Variants in EPB41L4B observed in about 807,000 individuals in gnomAD.
The protein encoded by EPB41L4B is erythrocyte membrane protein band 4.1 like 4B, also known as band 4.1-like protein 4B.
A neutral mutation model predicts 112.5 loss-of-function variants in EPB41L4B; 30 were observed. The observed-to-expected ratio is 0.27, with a 90% CI of 0.20 to 0.36. EPB41L4B has a LOEUF of 0.36. EPB41L4B is among the 10% of genes least tolerant of loss of function. EPB41L4B has a pLI of 1.00. For synonymous variants in EPB41L4B, 408 were observed against 439.7 expected (o/e 0.93, Z 0.90); for missense variants, 1,024 against 1,133.3 (o/e 0.90, Z 1.38).
intron 15 of EPB41L4B, among the ~76,000 whole-genome samples, chr9:109,228,351 A>G (rs1206021720): frequency 6.6e-6 from 1 of 152,228 alleles, no homozygotes; most frequent in Non-Finnish European, 1.5e-5. Flanking sequence ...ACTCCAGCTT[A>G]TCAGCCTAGT....
In EPB41L4B at chr9:109,320,244, G is replaced by T. The variant is rs534016902; in HGVS notation, c.203C>A (p.Thr68Asn). ...VFPAGGGPLL[T>N]GGAAVHISAA... ...GGAGATGTGCACGGCCGCGCCGCCGGTGAGCAGGGGCCCGCCGCCCGCCGG... is the reference window on the plus strand; with the variant it reads ...GGAGATGTGCACGGCCGCGCCGCCGTTGAGCAGGGGCCCGCCGCCCGCCGG... Residue 68 changes from threonine (T) to asparagine (N), a missense_variant, in exon 1 of 26, where the codon ACC (threonine) becomes AAC (asparagine). Transcript: ENST00000374566. 170 of 1,254,760 alleles carry T rather than the reference G, an allele frequency of 1.4e-4. No homozygotes were observed. Among genetic ancestry groups the T allele is most frequent in the Admixed American group, 2.6e-4 (6 of 23,524 alleles). The allele number at this position is 1,254,760 out of a possible 1,614,324, so 77.7% of individuals were successfully genotyped here.
chr9:109,185,365 C>T, intron 23 of EPB41L4B, 124 bp downstream of exon 23: 1 of 770,528 alleles, frequency 1.3e-6, no homozygotes, highest in South Asian at 1.6e-5. Flanking sequence ...GTGAGGGCAC[C>T]TGTCGATGGG....
At position 109,176,628 on chromosome 9, in the gene EPB41L4B, G is replaced by A. The variant is rs781091947; in HGVS notation, c.2556C>T (p.Thr852=). Residue 852 remains threonine (T), a synonymous_variant, in exon 25 of 26, where the codon ACC becomes ACT. Coordinates refer to ENST00000374566, the MANE Select transcript of EPB41L4B (RefSeq NM_019114.5). ...GPTSPLIPAA[T]LRPLTETVST... ...AGACGGTCTCTGTCAAAGGCCTCAG[G>A]GTCGCTGCTGGGATCAGCGGGGAAG... 1.2e-6 allele frequency: 2 copies of A among 1,614,040 alleles called. No individual in the cohort carries two copies. The highest frequency in any genetic ancestry group is 1.1e-5 in the South Asian group (1 of 91,060).
At chr9:109,214,745 A>G (rs1833302476) in intron 16 of EPB41L4B, among the ~76,000 whole-genome samples, 1 of 152,036 alleles carries the variant, frequency 6.6e-6, no homozygotes, top group African/African-American at 2.4e-5. Context: ...GGAAGAATGA[A>G]GACCTTGGCA....
intron 22 of EPB41L4B, among the ~76,000 whole-genome samples, chr9:109,187,781 G>C (rs373423606): frequency 5.3e-5 from 8 of 152,152 alleles, no homozygotes; most frequent in African/African-American, 1.9e-4. Context: ...AATGTGTCCT[G>C]GCCACCAACT....
intron 15 of EPB41L4B, among the ~76,000 whole-genome samples, chr9:109,238,278 T>A (rs1208810290): frequency 6.6e-6 from 1 of 152,164 alleles, no homozygotes; most frequent in Non-Finnish European, 1.5e-5. Context: ...CTGTACAGCA[T>A]GATACCAATG....
intron 2 of EPB41L4B, among the ~76,000 whole-genome samples, chr9:109,268,654 T>C: frequency 6.6e-6 from 1 of 152,032 alleles, no homozygotes; most frequent in Non-Finnish European, 1.5e-5. Context: ...ATCCCAGCAC[T>C]TTGGGAGGCC....
chr9:109,268,954 G>C (rs532167131), intron 2 of EPB41L4B, among the ~76,000 whole-genome samples: 1 of 151,622 alleles, frequency 6.6e-6, no homozygotes, highest in Non-Finnish European at 1.5e-5. Flanking sequence ...TTTCTGGGGA[G>C]GGGACTCCCT....
chr9:109,293,694 T>C (rs1274749359), intron 1 of EPB41L4B, among the ~76,000 whole-genome samples: 1 of 94,848 alleles, frequency 1.1e-5, no homozygotes, highest in Non-Finnish European at 2.0e-5. Flanking sequence ...AACATACACA[T>C]TCTTAAAAAA....
rs114614172 is a variant in EPB41L4B, at chr9:109,304,439, C to G, written c.306+15702G>C. Among the ~76,000 whole-genome samples the G allele has an allele frequency of 6.2e-3, 939 of 152,296 alleles. 10 individuals carry two copies. The highest frequency in any genetic ancestry group is 0.022 in the African/African-American group (897 of 41,548). ...CCCCAGGAATTCTGTTCTGCAGTCC[C>G]GAGGGGCACCTCTAATGATTTCTGC... On this transcript the variant is annotated intron_variant, in intron 1 of 25. Coordinates refer to ENST00000374566, the MANE Select transcript of EPB41L4B (RefSeq NM_019114.5).
chr9:109,277,346 G>GA (rs1292295832), intron 2 of EPB41L4B, among the ~76,000 whole-genome samples: 1 of 148,722 alleles, frequency 6.7e-6, no homozygotes. Context: ...TGGACAGACA[G>GA]AATCGGAAGT....
chr9:109,302,188 G>A (rs1042382059), intron 1 of EPB41L4B, among the ~76,000 whole-genome samples: 3 of 152,210 alleles, frequency 2.0e-5, no homozygotes, highest in African/African-American at 4.8e-5. Context: ...CAGGGAAAGA[G>A]TGGCATCCCT....
chr9:109,212,127 T>C (rs189982782), intron 17 of EPB41L4B, among the ~76,000 whole-genome samples: 41 of 152,328 alleles, frequency 2.7e-4, no homozygotes, highest in East Asian at 7.7e-4. Context: ...AGCAAACTGC[T>C]GTTGTCAACG....
At chr9:109,296,372 G>A (rs575810959) in intron 1 of EPB41L4B, among the ~76,000 whole-genome samples, 16 of 152,344 alleles carry the variant, frequency 1.1e-4, no homozygotes, top group Non-Finnish European at 1.6e-4. Context: ...GCAGTGCACT[G>A]AAGACATGGA....
At chr9:109,231,252 T>C (rs745760009) in intron 15 of EPB41L4B, among the ~76,000 whole-genome samples, 1 of 152,174 alleles carries the variant, frequency 6.6e-6, no homozygotes, top group Non-Finnish European at 1.5e-5. Context: ...CAATTTGTAT[T>C]TCTTTCAAGA....
chr9:109,265,485 G>A lies in EPB41L4B; in HGVS notation c.534-461C>T, dbSNP rs547181727. 5.3e-5 allele frequency among the ~76,000 whole-genome samples: 8 copies of A among 152,206 alleles called. 1 individual carries two copies. The South Asian group carries it at 1.5e-3, about 28-fold the overall frequency. On this transcript the variant is annotated intron_variant, in intron 4 of 25. Coordinates refer to ENST00000374566, the MANE Select transcript of EPB41L4B (RefSeq NM_019114.5). ...TGATTCTAGTCAAAAAACCACTGGG[G>A]GTTCTTTTCCCCTGATGCAGTGTAA...
In EPB41L4B at chr9:109,242,090, T is replaced by C. The variant is rs567240783; in HGVS notation, c.1409+1528A>G. Among the ~76,000 whole-genome samples, 4 of 152,316 alleles carry C rather than the reference T, an allele frequency of 2.6e-5. No homozygotes were observed. The South Asian group carries it at 8.3e-4, about 32-fold the overall frequency. On this transcript the variant is annotated intron_variant, in intron 15 of 25. Coordinates refer to ENST00000374566, the MANE Select transcript of EPB41L4B (RefSeq NM_019114.5). ...TCAAGTCCGTCTGGAGAAAGCTAAG[T>C]GAAGGTGGAAAATGTTCCATTACTA...
intron 14 of EPB41L4B, among the ~76,000 whole-genome samples, chr9:109,246,528 C>T (rs982054460): frequency 2.6e-5 from 4 of 152,270 alleles, no homozygotes; most frequent in East Asian, 1.9e-4. Flanking sequence ...CAGACAAACA[C>T]GGGCAAAGAA....
At chr9:109,219,765 T>G (rs535633568) in intron 15 of EPB41L4B, among the ~76,000 whole-genome samples, 14 of 152,328 alleles carry the variant, frequency 9.2e-5, no homozygotes, top group African/African-American at 3.4e-4. Flanking sequence ...AAAATCCATT[T>G]TTTTCTTATT....
Sources: allele counts gnomAD v4.1 joint callset (sites outside exome capture counted in the v4.1 genomes callset), GRCh38; gene constraint gnomAD v4.1.1; transcripts MANE v1.5; gene names NCBI Gene and HGNC (gene_info 2026-07-23, HGNC 2026-07-21).